The following RABGAP1L variants were observed in gnomAD, a reference collection of about 807,000 sequenced individuals.
The protein encoded by RABGAP1L is RAB GTPase activating protein 1 like, also known as rab GTPase-activating protein 1-like.
Under a neutral mutation model 137.7 loss-of-function variants are expected in RABGAP1L, and 63 were observed. That is an observed-to-expected ratio of 0.46 (90% CI 0.37 to 0.56). The LOEUF is 0.56. Ranked by LOEUF, RABGAP1L falls within the 20% of genes least tolerant of loss-of-function variation. The pLI is 0.00. For synonymous variants in RABGAP1L, 431 were observed against 433.7 expected (o/e 0.99, Z 0.08); for missense variants, 1,095 against 1,244.0 (o/e 0.88, Z 1.80).
chr1:174,839,649 G>A (rs1332068325), intron 19 of RABGAP1L, among the ~76,000 whole-genome samples: 8 of 152,210 alleles, frequency 5.3e-5, no homozygotes, highest in African/African-American at 1.9e-4. Flanking sequence ...TGTGCATTTA[G>A]CAAAATAGCT....
chr1:174,565,024 A>G (rs1667475082), intron 13 of RABGAP1L, among the ~76,000 whole-genome samples: 1 of 152,200 alleles, frequency 6.6e-6, no homozygotes, highest in Admixed American at 6.5e-5. Flanking sequence ...TAACTTTAAT[A>G]ATTCTTTTTA....
chr1:174,825,345 C>G (rs1691457799), intron 19 of RABGAP1L, among the ~76,000 whole-genome samples: 1 of 152,176 alleles, frequency 6.6e-6, no homozygotes, highest in Non-Finnish European at 1.5e-5. Flanking sequence ...AGTGTGTTAG[C>G]CTTTCCAGGC....
intron 17 of RABGAP1L, among the ~76,000 whole-genome samples, chr1:174,717,732 G>T (rs11585891): frequency 6.6e-6 from 1 of 152,000 alleles, no homozygotes; most frequent in Non-Finnish European, 1.5e-5. Context: ...TCCAAAATCA[G>T]TATAGTTGCT....
At chr1:174,318,580 T>TTTTTTCTTTCTTTC (rs533199280) in intron 11 of RABGAP1L, among the ~76,000 whole-genome samples, 2 of 117,648 alleles carry the variant, frequency 1.7e-5, no homozygotes, top group Admixed American at 1.8e-4. Flanking sequence ...TTGGTGATTG[T>TTTTTTCTTTCTTTC]TTTCTTTCTT....
intron 13 of RABGAP1L, among the ~76,000 whole-genome samples, chr1:174,630,811 C>T (rs1673316021): frequency 7.1e-6 from 1 of 140,776 alleles, no homozygotes; most frequent in South Asian, 2.4e-4. Flanking sequence ...TGCTAGTGGT[C>T]TATCAATTTT....
intron 19 of RABGAP1L, chr1:174,874,571 C>A: frequency 4.3e-6 from 3 of 693,300 alleles, no homozygotes; most frequent in Non-Finnish European, 5.3e-6. Context: ...ATTCTCCACA[C>A]CACTGCCTTT....
intron 19 of RABGAP1L, among the ~76,000 whole-genome samples, chr1:174,891,208 A>C (rs951707586): frequency 6.6e-6 from 1 of 152,216 alleles, no homozygotes; most frequent in Non-Finnish European, 1.5e-5. Flanking sequence ...GGCAGAAGGA[A>C]TAGCACTTTG....
At chr1:174,446,680 G>C (rs1355232359) in intron 13 of RABGAP1L, among the ~76,000 whole-genome samples, 1 of 152,084 alleles carries the variant, frequency 6.6e-6, no homozygotes, top group Admixed American at 6.6e-5. Context: ...CCTACCTAAT[G>C]GCCCCTGTGT....
At chr1:174,780,862 T>C (rs1439210421) in intron 18 of RABGAP1L, among the ~76,000 whole-genome samples, 2 of 150,054 alleles carry the variant, frequency 1.3e-5, no homozygotes, top group Non-Finnish European at 3.0e-5. Flanking sequence ...AGAATGATGG[T>C]TTCCAATTTC....
intron 13 of RABGAP1L, among the ~76,000 whole-genome samples, chr1:174,479,602 G>C (rs1398630975): frequency 6.6e-6 from 1 of 152,220 alleles, no homozygotes; most frequent in Non-Finnish European, 1.5e-5. Flanking sequence ...CCATCTGAAA[G>C]GAGATTGCTT....
intron 13 of RABGAP1L, among the ~76,000 whole-genome samples, chr1:174,476,581 G>A (rs971988429): frequency 6.6e-6 from 1 of 152,198 alleles, no homozygotes; most frequent in African/African-American, 2.4e-5. Context: ...AAAACATGAA[G>A]TAAGGAAATG....
intron 7 of RABGAP1L, among the ~76,000 whole-genome samples, chr1:174,255,595 G>A (rs1176439117): frequency 1.3e-5 from 2 of 152,146 alleles, no homozygotes; most frequent in Non-Finnish European, 2.9e-5. Context: ...CCTGATCTTG[G>A]CTCACTGCAA....
intron 19 of RABGAP1L, among the ~76,000 whole-genome samples, chr1:174,834,866 A>G (rs1191400237): frequency 2.0e-5 from 3 of 152,200 alleles, no homozygotes; most frequent in African/African-American, 7.2e-5. Flanking sequence ...TAAGTGCTGG[A>G]AAATGAGGTT....
At chr1:174,441,418 T>C (rs1008544327) in intron 13 of RABGAP1L, among the ~76,000 whole-genome samples, 1 of 152,038 alleles carries the variant, frequency 6.6e-6, no homozygotes, top group Non-Finnish European at 1.5e-5. Context: ...GAAAAAAGTA[T>C]GGTAAGAAAG....
At chr1:174,281,652 G>A (rs1675569980) in intron 10 of RABGAP1L, among the ~76,000 whole-genome samples, 1 of 152,226 alleles carries the variant, frequency 6.6e-6, no homozygotes. Context: ...CACAGTAGCT[G>A]ATGATGAAAG....
intron 13 of RABGAP1L, among the ~76,000 whole-genome samples, chr1:174,468,416 A>G (rs1657537813): frequency 2.0e-5 from 3 of 152,306 alleles, no homozygotes; most frequent in East Asian, 3.9e-4. Flanking sequence ...CTGCTTTATT[A>G]TAATAATTCA....
intron 17 of RABGAP1L, among the ~76,000 whole-genome samples, chr1:174,707,599 A>G (rs571364196): frequency 6.6e-6 from 1 of 152,332 alleles, no homozygotes; most frequent in African/African-American, 2.4e-5. Context: ...GAGACTAACA[A>G]TACCTGTCTC....
At chr1:174,732,317 T>C (rs1682553741) in intron 17 of RABGAP1L, among the ~76,000 whole-genome samples, 1 of 152,096 alleles carries the variant, frequency 6.6e-6, no homozygotes, top group South Asian at 2.1e-4. Context: ...GTAAGAACCA[T>C]GACTGATCTC....
intron 24 of RABGAP1L, among the ~76,000 whole-genome samples, chr1:174,984,479 G>A (rs1428140518): frequency 1.3e-5 from 2 of 152,232 alleles, no homozygotes; most frequent in Admixed American, 6.5e-5. Flanking sequence ...GGTGGCTCAC[G>A]CCTGTAATCC....
Sources: allele counts gnomAD v4.1 joint callset (sites outside exome capture counted in the v4.1 genomes callset), GRCh38; gene constraint gnomAD v4.1.1; transcripts MANE v1.5; gene names NCBI Gene and HGNC (gene_info 2026-07-23, HGNC 2026-07-21).